Variants in ZNF609 observed in about 807,000 individuals in gnomAD.
ZNF609 encodes the protein zinc finger protein 609.
A neutral mutation model predicts 109.5 loss-of-function variants in ZNF609; 11 were observed. The observed-to-expected ratio is 0.10, with a 90% CI of 0.06 to 0.17. The LOEUF is 0.17. Among genes scored for constraint, ZNF609 ranks in the 10% least tolerant of loss-of-function variants. The pLI is 1.00. For missense variants in ZNF609, 1,559 were observed against 1,772.4 expected (o/e 0.88, Z 2.16); for synonymous variants, 646 against 662.0 (o/e 0.98, Z 0.37).
chr15:64,666,704 G>GT (rs773640652), intron 3 of ZNF609, among the ~76,000 whole-genome samples: 1 of 151,938 alleles, frequency 6.6e-6, no homozygotes, highest in Admixed American at 6.5e-5. Context: ...TAGAGATGGG[G>GT]TTTCACCATC....
In ZNF609 at chr15:64,674,155, C is replaced by A. The variant is rs1232779223; in HGVS notation, c.1301C>A (p.Pro434His). 1.9e-6 allele frequency: 3 copies of A among 1,614,096 alleles called. No homozygotes were observed. Among genetic ancestry groups the A allele is most frequent in the Non-Finnish European group, 2.5e-6 (3 of 1,180,050 alleles). ...ACTTCTGAGGATGTCAAGGCCAGCCCTTCCTCAGCTAATAAGCGGAAAAAC... is the reference window on the plus strand; with the variant it reads ...ACTTCTGAGGATGTCAAGGCCAGCCATTCCTCAGCTAATAAGCGGAAAAAC... ...SSTSEDVKAS[P>H]SSANKRKNKP... The change falls in exon 5 of 10, where the codon CCT becomes CAT. Residue 434 changes from proline to histidine, a missense_variant. Pro to His is a moderately conservative substitution (Grantham distance 77, BLOSUM62 -2). Around this residue, in one of 4 missense-constraint regions of ZNF609, gnomAD observed 1,204 missense variants for 1,314.1 expected, o/e 0.92. Transcript: ENST00000326648.
intron 2 of ZNF609, among the ~76,000 whole-genome samples, chr15:64,597,409 T>G (rs1009396797): frequency 6.6e-6 from 1 of 152,176 alleles, no homozygotes; most frequent in Non-Finnish European, 1.5e-5. Flanking sequence ...TTTCTCCTCC[T>G]TCTCCCTCCT....
At chr15:64,672,169 C>T (rs12904454) in intron 4 of ZNF609, among the ~76,000 whole-genome samples, 34,200 of 149,534 alleles carry the variant, frequency 0.23, 5,052 homozygotes, top group Admixed American at 0.41. Context: ...CCCGCCACCA[C>T]GCCCGGCTAA....
intron 1 of ZNF609, among the ~76,000 whole-genome samples, chr15:64,461,168 G>A (rs956013623): frequency 6.9e-6 from 1 of 144,608 alleles, no homozygotes; most frequent in Admixed American, 7.1e-5. Flanking sequence ...GCGAGTCTGG[G>A]TATGTTGAGG....
Position 64,577,270 on chromosome 15 carries a change from TAC to T in ZNF609, c.748-45555_748-45554del, listed in dbSNP as rs368939453. Among the ~76,000 whole-genome samples, 61 of 75,686 alleles carry T rather than the reference TAC, an allele frequency of 8.1e-4. 26 individuals are homozygous for T. Among genetic ancestry groups the T allele is most frequent in the African/African-American group, 2.1e-3 (55 of 26,454 alleles). 49.7% of individuals were successfully genotyped at this position (75,686 alleles called of 152,430 possible). A position where few individuals can be genotyped will look rare whatever the true frequency, so the allele number is the denominator to read the frequency against. ...ATGTATATATATACACACAAATATA[TAC>T]ATATATGTATATATATACACACAAA... is the stretch of plus-strand genomic sequence containing the variant. On this transcript the variant is annotated intron_variant, in intron 2 of 9. Transcript: ENST00000326648.
intron 1 of ZNF609, among the ~76,000 whole-genome samples, chr15:64,495,874 A>C (rs1237577251): frequency 6.8e-6 from 1 of 146,606 alleles, no homozygotes; most frequent in Non-Finnish European, 1.5e-5. Flanking sequence ...ACTGGAGTGT[A>C]GTGGCGTGAT....
rs766661242 is a variant in ZNF609, at chr15:64,622,890, A to C, written c.811A>C (p.Asn271His). The change falls in exon 3 of 10, where the codon AAT (asparagine) becomes CAT (histidine). Residue 271 changes from asparagine to histidine, a missense_variant. Asn to His is a moderately conservative substitution (Grantham distance 68). This residue lies in a region of ZNF609 where 291 missense variants were observed against 317.8 expected (regional missense o/e 0.92). Transcript: ENST00000326648. ...ACACCTTTTGGTGCCAGTGGTCAAC[A>C]ATGACATCTCATCTCCCTGTGAGCA... is the stretch of plus-strand genomic sequence containing the variant. ...PIHLLVPVVN[N>H]DISSPCEQIM... is the part of the protein sequence containing the mutation. The C allele has an allele frequency of 6.2e-7, 1 of 1,614,218 alleles. No homozygotes were observed. The highest frequency in any genetic ancestry group is 2.2e-5 in the East Asian group (1 of 44,890).
At position 64,500,088 on chromosome 15, in the gene ZNF609, C is replaced by T. The variant is rs1249584984; in HGVS notation, c.669C>T (p.Leu223=). Residue 223 remains leucine, a synonymous_variant, in exon 2 of 10, where the codon CTC becomes CTT. Transcript: ENST00000326648. ...TAGCTATTGAGCCTGGGGCAGCGCT[C>T]AATCCTTTGGGAACTAAACCGGAGC... ...GSIAIEPGAA[L]NPLGTKPEPE... 1.2e-6 allele frequency: 2 copies of T among 1,613,978 alleles called. No homozygotes were observed. Among genetic ancestry groups the T allele is most frequent in the African/African-American group, 2.7e-5 (2 of 74,910 alleles).
chr15:64,659,709 CCT>C (rs1567041464), intron 3 of ZNF609, among the ~76,000 whole-genome samples: 2 of 152,102 alleles, frequency 1.3e-5, no homozygotes, highest in Non-Finnish European at 2.9e-5. Context: ...GAATAATGAC[CCT>C]GAGTCATCAA....
At chr15:64,645,658 A>G (rs1896325193) in intron 3 of ZNF609, among the ~76,000 whole-genome samples, 1 of 152,214 alleles carries the variant, frequency 6.6e-6, no homozygotes, top group African/African-American at 2.4e-5. Context: ...AATATCTAGA[A>G]TAAAGAACTC....
At chr15:64,598,767 T>C (rs1224187825) in intron 2 of ZNF609, among the ~76,000 whole-genome samples, 3 of 127,398 alleles carry the variant, frequency 2.4e-5, no homozygotes, top group Admixed American at 7.7e-5. Context: ...TATATATATA[T>C]ATATATATAT....
At chr15:64,613,548 A>G (rs1056507293) in intron 2 of ZNF609, among the ~76,000 whole-genome samples, 5 of 152,008 alleles carry the variant, frequency 3.3e-5, no homozygotes, top group African/African-American at 9.7e-5. Context: ...ATCCTTGTTT[A>G]AACTTATTTA....
In ZNF609 at chr15:64,642,263, G is replaced by A. The variant is rs1244959103; in HGVS notation, c.973+19211G>A. Among the ~76,000 whole-genome samples the A allele has an allele frequency of 9.2e-5, 14 of 152,042 alleles. No homozygotes were observed. In the East Asian group the frequency reaches 2.3e-3, roughly 25 times the overall value. On this transcript the variant is annotated intron_variant, in intron 3 of 9. Coordinates refer to ENST00000326648, the MANE Select transcript of ZNF609 (RefSeq NM_015042.2). ...CAGTGGTGCAATCATGGCTCACTGC[G>A]GCCTCCAACTCCTGGGCTCAAGCAA...
chr15:64,674,381 C>T lies in ZNF609; in HGVS notation c.1527C>T (p.Ile509=). The T allele has an allele frequency of 1.2e-6, 2 of 1,614,172 alleles. No homozygotes were observed. The highest frequency in any genetic ancestry group is 3.3e-5 in the Admixed American group (2 of 60,020). Residue 509 remains isoleucine, a synonymous_variant, in exon 5 of 10, where the codon ATC becomes ATT. Transcript: ENST00000326648. Reference sequence around the variant, plus strand: ...ACTGCAACAAGAAGTACAAGCACATCAATGGACTTAAGTACCACCAAGCTC... The same window carrying T: ...ACTGCAACAAGAAGTACAAGCACATTAATGGACTTAAGTACCACCAAGCTC... ...HPNCNKKYKH[I]NGLKYHQAHA...
At chr15:64,648,079 T>TC (rs1357081271) in intron 3 of ZNF609, among the ~76,000 whole-genome samples, 1 of 152,228 alleles carries the variant, frequency 6.6e-6, no homozygotes, top group Admixed American at 6.5e-5. Flanking sequence ...TTTGCTTTAG[T>TC]CCACAGTTTT....
intron 2 of ZNF609, among the ~76,000 whole-genome samples, chr15:64,581,319 CT>C (rs372373849): frequency 7.4e-4 from 112 of 152,090 alleles, no homozygotes; most frequent in African/African-American, 2.5e-3. Context: ...ATGTGGCTTG[CT>C]TTTTTTAAAG....
At chr15:64,662,593 G>A (rs962470779) in intron 3 of ZNF609, among the ~76,000 whole-genome samples, 8 of 152,176 alleles carry the variant, frequency 5.3e-5, no homozygotes, top group African/African-American at 1.9e-4. Flanking sequence ...CCAAAATGCT[G>A]AGATTACAGG....
chr15:64,612,494 G>A (rs1895733244), intron 2 of ZNF609, among the ~76,000 whole-genome samples: 1 of 152,022 alleles, frequency 6.6e-6, no homozygotes, highest in Admixed American at 6.6e-5. Flanking sequence ...TATGTTGCCA[G>A]CTACTCTGTC....
intron 2 of ZNF609, among the ~76,000 whole-genome samples, chr15:64,564,751 A>G (rs148572845): frequency 1.3e-5 from 2 of 152,174 alleles, no homozygotes; most frequent in East Asian, 1.9e-4. Context: ...GTATAAGAGC[A>G]TGTCAAATTT....
Sources: gnomAD v4.1 joint callset for allele counts (sites outside exome capture counted in the v4.1 genomes callset) on GRCh38, gnomAD v4.1.1 for gene constraint, gnomAD v4.1.1 regional missense constraint, MANE v1.5 for transcripts, NCBI Gene and HGNC (gene_info 2026-07-23, HGNC 2026-07-21) for gene names.